Variants in KDM4C observed in about 807,000 individuals in gnomAD.
The protein encoded by KDM4C is lysine-specific demethylase 4C.
A neutral mutation model predicts 129.3 loss-of-function variants in KDM4C; 81 were observed. The ratio of observed to expected loss-of-function variants is 0.63; its 90% CI spans 0.52 to 0.75. The LOEUF is 0.75. Among genes scored for constraint, KDM4C ranks in the 30% least tolerant of loss-of-function variants. KDM4C has a pLI of 0.00. For synonymous variants in KDM4C, 573 were observed against 456.1 expected (o/e 1.26, Z -3.26); for missense variants, 1,457 against 1,304.0 (o/e 1.12, Z -1.81).
Position 7,028,296 on chromosome 9 carries a change from C to T in KDM4C, c.2259+12367C>T, listed in dbSNP as rs147143366. ...ATTCAGGGCTCAAGGGCTGTTTAGT[C>T]AGCAGATGATGGGTCTTGCCAATAC... is the stretch of plus-strand genomic sequence containing the variant. On this transcript the variant is annotated intron_variant, in intron 15 of 21. Transcript: ENST00000381309. 2.6e-5 allele frequency among the ~76,000 whole-genome samples: 4 copies of T among 151,914 alleles called. No individual in the cohort carries two copies. The East Asian group carries it at 7.8e-4, about 30-fold the overall frequency.
chr9:6,824,859 T>A (rs1833626273), intron 4 of KDM4C, among the ~76,000 whole-genome samples: 1 of 152,016 alleles, frequency 6.6e-6, no homozygotes, highest in South Asian at 2.1e-4. Flanking sequence ...AATAGAAGAT[T>A]GTGGCCAGGT....
chr9:6,962,762 A>C (rs913322611), intron 8 of KDM4C, among the ~76,000 whole-genome samples: 1 of 152,198 alleles, frequency 6.6e-6, no homozygotes, highest in African/African-American at 2.4e-5. Flanking sequence ...ACTTAAATGC[A>C]TTTAGGTAAC....
chr9:6,752,329 T>G (rs1818098458), intron 1 of KDM4C, among the ~76,000 whole-genome samples: 1 of 35,062 alleles, frequency 2.9e-5, no homozygotes, highest in African/African-American at 1.5e-4. Context: ...CGAAACTCCG[T>G]CTCAAAAAAA....
chr9:6,942,282 AGTGTGTGTGT>A (rs58676459), intron 8 of KDM4C, among the ~76,000 whole-genome samples: 62 of 142,700 alleles, frequency 4.3e-4, no homozygotes, highest in East Asian at 1.9e-3. Context: ...TAGCCCTCAA[AGTGTGTGTGT>A]GTGTGTGTGT....
intron 8 of KDM4C, among the ~76,000 whole-genome samples, chr9:6,914,591 G>A (rs1466014383): frequency 1.3e-5 from 2 of 152,204 alleles, no homozygotes; most frequent in African/African-American, 4.8e-5. Context: ...TATGGTTTGA[G>A]TATTGGTGTC....
intron 20 of KDM4C, among the ~76,000 whole-genome samples, chr9:7,165,941 T>A (rs561174843): frequency 2.6e-5 from 4 of 152,354 alleles, no homozygotes; most frequent in South Asian, 2.1e-4. Flanking sequence ...TACGTAGTAT[T>A]AAAGAGTATA....
At chr9:6,745,916 T>C (rs970612924) in intron 1 of KDM4C, among the ~76,000 whole-genome samples, 7 of 152,076 alleles carry the variant, frequency 4.6e-5, no homozygotes, top group Non-Finnish European at 1.0e-4. Flanking sequence ...TTCAAGTGAT[T>C]CTCCCGCCTC....
At chr9:6,806,856 G>A (rs964504567) in intron 3 of KDM4C, among the ~76,000 whole-genome samples, 1 of 148,288 alleles carries the variant, frequency 6.7e-6, no homozygotes, top group Non-Finnish European at 1.5e-5. Flanking sequence ...GTGACACACT[G>A]TTGCTCTCCC....
intron 1 of KDM4C, among the ~76,000 whole-genome samples, chr9:6,728,927 T>C (rs1014468848): frequency 4.0e-5 from 6 of 151,118 alleles, no homozygotes; most frequent in African/African-American, 4.9e-5. Flanking sequence ...GGAAGAAGGC[T>C]GGGCGCGGTG....
chr9:7,005,567 G>A (rs370707932), intron 12 of KDM4C, among the ~76,000 whole-genome samples: 1 of 151,604 alleles, frequency 6.6e-6, no homozygotes. Flanking sequence ...ATTTATTACC[G>A]AAATTTTGCA....
At chr9:6,821,889 C>T (rs1472046682) in intron 4 of KDM4C, among the ~76,000 whole-genome samples, 1 of 152,172 alleles carries the variant, frequency 6.6e-6, no homozygotes, top group Non-Finnish European at 1.5e-5. Flanking sequence ...CCTGTCTTGG[C>T]CTCCCAAAGT....
chr9:6,770,467 T>G (rs1246762365), intron 1 of KDM4C, among the ~76,000 whole-genome samples: 1 of 152,176 alleles, frequency 6.6e-6, no homozygotes, highest in East Asian at 1.9e-4. Context: ...GGAAGCTGTG[T>G]ATTGGTATCA....
At chr9:7,004,609 A>T (rs966152348) in intron 12 of KDM4C, among the ~76,000 whole-genome samples, 2 of 152,226 alleles carry the variant, frequency 1.3e-5, no homozygotes, top group African/African-American at 4.8e-5. Flanking sequence ...TATTTTAAAA[A>T]AGATTCTTTT....
chr9:6,853,417 G>T (rs548938473), intron 5 of KDM4C, among the ~76,000 whole-genome samples: 65 of 152,262 alleles, frequency 4.3e-4, no homozygotes, highest in African/African-American at 1.5e-3. Context: ...ACCTGAGCCC[G>T]GGGAGGTCAA....
At chr9:6,866,999 GTA>G (rs1180539811) in intron 5 of KDM4C, among the ~76,000 whole-genome samples, 29 of 55,132 alleles carry the variant, frequency 5.3e-4, no homozygotes, top group African/African-American at 2.2e-3. Flanking sequence ...GTGTGTGTGT[GTA>G]TATATATATA....
chr9:7,065,479 G>C (rs1034897002), intron 17 of KDM4C, among the ~76,000 whole-genome samples: 36 of 151,908 alleles, frequency 2.4e-4, no homozygotes, highest in African/African-American at 8.7e-4. Flanking sequence ...ACATTTATTT[G>C]CTTTGGACAA....
chr9:6,821,249 C>G (rs1297203665), intron 4 of KDM4C, among the ~76,000 whole-genome samples: 1 of 152,152 alleles, frequency 6.6e-6, no homozygotes, highest in Non-Finnish European at 1.5e-5. Flanking sequence ...AATGAGATGG[C>G]TGGGTCAAAT....
intron 1 of KDM4C, among the ~76,000 whole-genome samples, chr9:6,765,667 T>G (rs1319094181): frequency 6.6e-6 from 1 of 152,218 alleles, no homozygotes; most frequent in Non-Finnish European, 1.5e-5. Flanking sequence ...ATGAAGGAAC[T>G]GTAAAACCAG....
chr9:6,943,435 G>T (rs942490306), intron 8 of KDM4C, among the ~76,000 whole-genome samples: 1 of 152,212 alleles, frequency 6.6e-6, no homozygotes, highest in Non-Finnish European at 1.5e-5. Context: ...AGGGCCAGGT[G>T]TAGTGGCTCT....
Sources: gnomAD v4.1 joint callset for allele counts (sites outside exome capture counted in the v4.1 genomes callset) on GRCh38, gnomAD v4.1.1 for gene constraint, MANE v1.5 for transcripts, NCBI Gene and HGNC (gene_info 2026-07-23, HGNC 2026-07-21) for gene names.